Variants in JPH4 observed in about 807,000 individuals in gnomAD.
The protein encoded by JPH4 is junctophilin 4.
In JPH4, 18 loss-of-function variants were observed where a neutral mutation model predicts 57.6. The observed-to-expected ratio is 0.31, with a 90% CI of 0.22 to 0.46. The LOEUF (loss-of-function observed/expected upper bound fraction) is 0.46. Ranked by LOEUF, JPH4 falls within the 20% of genes least tolerant of loss-of-function variation. The probability of loss-of-function intolerance (pLI) is 1.00; values close to 1 mark genes in which losing one functional copy is unlikely to be tolerated. For missense variants in JPH4, 727 were observed against 911.1 expected (o/e 0.80, Z 2.60); for synonymous variants, 425 against 406.6 (o/e 1.05, Z -0.54).
chr14:23,571,281 C>CAA lies in JPH4; in HGVS notation c.1449_1450insTT (p.Gly484LeufsTer27). On this transcript the variant is annotated frameshift_variant, in exon 5 of 6. Transcript: ENST00000356300. LOFTEE classifies it high-confidence loss of function. This position sits in a 1 kb window ranked among gnomAD's most constrained non-coding sequence, Gnocchi z 4.6. ...GGGCTGGAGAAGGGACCCTGGTCCC[C>CAA]TCCAGGAGGCAGTGGGCTCCGGCAG... 1 of 1,600,832 alleles carries CAA rather than the reference C, an allele frequency of 6.2e-7. No homozygotes were observed. Among genetic ancestry groups the CAA allele is most frequent in the South Asian group, 1.1e-5 (1 of 89,822 alleles).
At chr14:23,570,172 G>C in intron 5 of JPH4, among the ~76,000 whole-genome samples, 1 of 151,292 alleles carries the variant, frequency 6.6e-6, no homozygotes, top group Non-Finnish European at 1.5e-5. Context: ...TTCTTCCCGG[G>C]AGAGGGAGGG....
Position 23,571,433 on chromosome 14 carries a change from C to A in JPH4, c.1298G>T (p.Gly433Val). Residue 433 changes from glycine (G) to valine (V), a missense_variant, in exon 5 of 6, where the codon GGT becomes GTT. Physicochemically the swap from Gly to Val is moderately radical, Grantham distance 109. This residue lies in a region of JPH4 where 293 missense variants were observed against 279.8 expected (regional missense o/e 1.05). Transcript: ENST00000356300. This position sits in a 1 kb window ranked among gnomAD's most constrained non-coding sequence, Gnocchi z 4.6. ...CTCATCCAGGGGCTCCGTGTCGGAA[C>A]CTTCTGAGTCCTGCCTGGGTCTGCG... ...PGRRPRQDSE[G>V]SDTEPLDEDS... 1 of 1,599,348 alleles carries A rather than the reference C, an allele frequency of 6.3e-7. No individual in the cohort carries two copies. Among genetic ancestry groups the A allele is most frequent in the Non-Finnish European group, 8.5e-7 (1 of 1,179,736 alleles).
rs1889248659 is a variant in JPH4 at position 23,575,521 on chromosome 14, T to C, written c.1151+164A>G. 1.2e-6 allele frequency: 1 copy of C among 820,632 alleles called. No homozygotes were observed. Among genetic ancestry groups the C allele is most frequent in the Admixed American group, 2.8e-5 (1 of 36,352 alleles). 50.8% of individuals were successfully genotyped at this position (820,632 alleles called of 1,614,324 possible). On this transcript the variant is annotated intron_variant, in intron 3 of 5. Transcript: ENST00000356300. This position sits in a 1 kb window ranked among gnomAD's most constrained non-coding sequence, Gnocchi z 6.9. ...ACCCACATCCACCTGTAGCCTCGGA[T>C]ATAAACACCAAGAATGCCCAGGGGT... is the stretch of plus-strand genomic sequence containing the variant.
In JPH4 at chr14:23,571,219, T is replaced by C. The variant is rs61739610; in HGVS notation, c.1512A>G (p.Ala504=). 24,184 of 1,613,068 alleles carry C rather than the reference T, an allele frequency of 0.015. 2,584 individuals are homozygous for C. The African/African-American group carries it at 0.26, about 17-fold the overall frequency. The change falls in exon 5 of 6, where the codon GCA becomes GCG. Residue 504 remains alanine, a synonymous_variant. Coordinates refer to ENST00000356300, the MANE Select transcript of JPH4 (RefSeq NM_001146028.2). This position sits in a 1 kb window ranked among gnomAD's most constrained non-coding sequence, Gnocchi z 4.6. The part of the protein sequence containing the change: ...AWPEEWGGAG[A]QAEELAGYEA... Reference sequence around the variant, plus strand: ...CATAGCCAGCTAGTTCCTCTGCCTGTGCGCCTGCCCCCCCCCACTCCTCAG... The same window carrying C: ...CATAGCCAGCTAGTTCCTCTGCCTGCGCGCCTGCCCCCCCCCACTCCTCAG...
intron 5 of JPH4, 64 bp downstream of exon 5, chr14:23,570,864 C>T: frequency 7.0e-7 from 1 of 1,425,544 alleles, no homozygotes; most frequent in Non-Finnish European, 9.2e-7. Flanking sequence ...TCAGACAGTT[C>T]TGGAAAGGGT....
At chr14:23,570,312 G>A (rs1171044178) in intron 5 of JPH4, among the ~76,000 whole-genome samples, 2 of 151,600 alleles carry the variant, frequency 1.3e-5, no homozygotes, top group Non-Finnish European at 2.9e-5. Flanking sequence ...GGAGAACGGG[G>A]GAAAAATGTT....
Position 23,576,507 on chromosome 14 carries a change from C to A in JPH4, c.380-51G>T. ...AAGAGTCAGGACGTGCCGCTGGGCT[C>A]CTTGCGCCCCAAGTCCCAAGCGCCC... On this transcript the variant is annotated intron_variant, in intron 2 of 5. Coordinates refer to ENST00000356300, the MANE Select transcript of JPH4 (RefSeq NM_001146028.2). This position sits in a 1 kb window ranked among gnomAD's most constrained non-coding sequence, Gnocchi z 8.0. 7.5e-7 allele frequency: 1 copy of A among 1,337,798 alleles called. No homozygotes were observed. Among genetic ancestry groups the A allele is most frequent in the Non-Finnish European group, 9.6e-7 (1 of 1,044,756 alleles). The allele number at this position is 1,337,798 out of a possible 1,614,324, so 82.9% of individuals were successfully genotyped here.
Position 23,571,262 on chromosome 14 carries a change from G to A in JPH4, c.1469C>T (p.Ser490Phe). The A allele has an allele frequency of 6.2e-7, 1 of 1,606,924 alleles. No individual in the cohort carries two copies. Among genetic ancestry groups the A allele is most frequent in the South Asian group, 1.1e-5 (1 of 90,392 alleles). Reference sequence around the variant, plus strand: ...CTCCTCAGGCCAAGCTTTGGGGCTGGAGAAGGGACCCTGGTCCCCTCCAGG... The same window carrying A: ...CTCCTCAGGCCAAGCTTTGGGGCTGAAGAAGGGACCCTGGTCCCCTCCAGG... ...LPPGGDQGPFSSPKAWPEEWG... is the reference protein window; with the variant it reads ...LPPGGDQGPFFSPKAWPEEWG... The change falls in exon 5 of 6, where the codon TCC (serine) becomes TTC (phenylalanine). Residue 490 changes from serine (S) to phenylalanine (F), a missense_variant. Coordinates refer to ENST00000356300, the MANE Select transcript of JPH4 (RefSeq NM_001146028.2). This position sits in a 1 kb window ranked among gnomAD's most constrained non-coding sequence, Gnocchi z 4.6.
At chr14:23,570,526 C>T (rs1270509294) in intron 5 of JPH4, among the ~76,000 whole-genome samples, 6 of 152,100 alleles carry the variant, frequency 3.9e-5, no homozygotes, top group Admixed American at 1.3e-4. Context: ...CGCCCGCCAC[C>T]ACGCCCGGCT....
Position 23,571,926 on chromosome 14 carries a change from G to T in JPH4, c.1152-6C>A. On this transcript the variant is annotated splice_region_variant and splice_polypyrimidine_tract_variant and intron_variant, in intron 3 of 5. Transcript: ENST00000356300. This position sits in a 1 kb window ranked among gnomAD's most constrained non-coding sequence, Gnocchi z 4.6. ...TTAGGAGGGCGTCTGCTGCCCTGTC[G>T]GGTCCAGAGACAGGGATTTAGCAGA... is the stretch of plus-strand genomic sequence containing the variant. The T allele has an allele frequency of 6.2e-7, 1 of 1,609,582 alleles. No homozygotes were observed.
Position 23,571,748 on chromosome 14 carries a change from C to T in JPH4, c.1270+54G>A. 2 of 1,500,712 alleles carry T rather than the reference C, an allele frequency of 1.3e-6. No individual in the cohort carries two copies. The highest frequency in any genetic ancestry group is 1.1e-5 in the South Asian group (1 of 88,670). 93.0% of individuals were successfully genotyped at this position (1,500,712 alleles called of 1,614,324 possible). A position where few individuals can be genotyped will look rare whatever the true frequency, so the allele number is the denominator to read the frequency against. On this transcript the variant is annotated intron_variant, in intron 4 of 5. Coordinates refer to ENST00000356300, the MANE Select transcript of JPH4 (RefSeq NM_001146028.2). The surrounding 1 kb of genome is among the most constrained non-coding windows in gnomAD (Gnocchi z 4.6). ...CTCATCTGTTTCCCCACACCTGAGC[C>T]TCTCTAGCTCCCTAGGGGCCTCACT... is the stretch of plus-strand genomic sequence containing the variant.
In JPH4 at chr14:23,575,098, C is replaced by T. The variant is rs1025247619; in HGVS notation, c.1151+587G>A. On this transcript the variant is annotated intron_variant, in intron 3 of 5. Transcript: ENST00000356300. The surrounding 1 kb of genome is among the most constrained non-coding windows in gnomAD (Gnocchi z 6.9). Reference sequence around the variant, plus strand: ...TTCATTTACAGGGAAGCCTCCTCCCCTCAAACCTCCCATCAGTTGGGTAAA... The same window carrying T: ...TTCATTTACAGGGAAGCCTCCTCCCTTCAAACCTCCCATCAGTTGGGTAAA... 1 of 153,670 alleles carries T rather than the reference C, an allele frequency of 6.5e-6. No individual in the cohort carries two copies. Among genetic ancestry groups the T allele is most frequent in the Non-Finnish European group, 1.4e-5 (1 of 69,114 alleles). 9.5% of individuals were successfully genotyped at this position (153,670 alleles called of 1,614,324 possible).
At chr14:23,574,456 G>A (rs764091627) in intron 3 of JPH4, among the ~76,000 whole-genome samples, 4 of 152,168 alleles carry the variant, frequency 2.6e-5, no homozygotes, top group Admixed American at 2.6e-4. Context: ...ACAGGCATGA[G>A]CCACCGTGCC....
Position 23,571,670 on chromosome 14 carries a change from C to T in JPH4, c.1270+132G>A. 1.9e-6 allele frequency: 2 copies of T among 1,041,950 alleles called. No individual in the cohort carries two copies. Among genetic ancestry groups the T allele is most frequent in the South Asian group, 1.4e-5 (1 of 69,478 alleles). 64.5% of individuals were successfully genotyped at this position (1,041,950 alleles called of 1,614,324 possible). The stretch of plus-strand genomic sequence containing the variant: ...CCAGGTCTGGCCCCCACCCTGTGTT[C>T]CTTGCACCCTCATTCCTTGTTTTTT... On this transcript the variant is annotated intron_variant, in intron 4 of 5. Transcript: ENST00000356300. This position sits in a 1 kb window ranked among gnomAD's most constrained non-coding sequence, Gnocchi z 4.6.
At chr14:23,573,879 C>G (rs1489466847) in intron 3 of JPH4, among the ~76,000 whole-genome samples, 2 of 152,142 alleles carry the variant, frequency 1.3e-5, no homozygotes, top group Middle Eastern at 3.4e-3. Context: ...GATGCACATT[C>G]TCTGACTCAA....
At chr14:23,573,051 A>G (rs1403523639) in intron 3 of JPH4, 5 of 669,198 alleles carry the variant, frequency 7.5e-6, no homozygotes, top group Non-Finnish European at 1.1e-5. Flanking sequence ...ACGAGCTGCC[A>G]TGGGCTTGAA....
In JPH4 at chr14:23,576,777, G is replaced by A. The variant is rs1889283853; in HGVS notation, c.379+298C>T. 6.6e-6 allele frequency among the ~76,000 whole-genome samples: 1 copy of A among 152,174 alleles called. No homozygotes were observed. The highest frequency in any genetic ancestry group is 1.5e-5 in the Non-Finnish European group (1 of 68,022). The stretch of plus-strand genomic sequence containing the variant: ...CGTTTAGATAGGCAAACAGTACTCT[G>A]AGGGGCACGCCGACCCGACGGAGAG... On this transcript the variant is annotated intron_variant, in intron 2 of 5. Coordinates refer to ENST00000356300, the MANE Select transcript of JPH4 (RefSeq NM_001146028.2). The surrounding 1 kb of genome is among the most constrained non-coding windows in gnomAD (Gnocchi z 8.0).
rs1414306449 is a variant in JPH4 at position 23,569,293 on chromosome 14, G to A, written c.*341C>T. ...AAGTTGAGGTCTAAAGAAAAGGTGGGAGGGCGTGGAGCAATGGTCTGACTT... is the reference window on the plus strand; with the variant it reads ...AAGTTGAGGTCTAAAGAAAAGGTGGAAGGGCGTGGAGCAATGGTCTGACTT... On this transcript the variant is annotated 3_prime_UTR_variant, in exon 6 of 6. Transcript: ENST00000356300. The surrounding 1 kb of genome is among the most constrained non-coding windows in gnomAD (Gnocchi z 4.8). 2 of 309,988 alleles carry A rather than the reference G, an allele frequency of 6.5e-6. No individual in the cohort carries two copies. The highest frequency in any genetic ancestry group is 2.0e-4 in the East Asian group (2 of 9,904). 19.2% of individuals were successfully genotyped at this position (309,988 alleles called of 1,614,324 possible).
In JPH4 at chr14:23,569,749, C is replaced by G; in HGVS notation, c.1804-32G>C. 2 of 1,467,804 alleles carry G rather than the reference C, an allele frequency of 1.4e-6. No homozygotes were observed. The highest frequency in any genetic ancestry group is 1.9e-6 in the Non-Finnish European group (2 of 1,076,214). The allele number at this position is 1,467,804 out of a possible 1,614,324, so 90.9% of individuals were successfully genotyped here. On this transcript the variant is annotated intron_variant, in intron 5 of 5. Transcript: ENST00000356300. The surrounding 1 kb of genome is among the most constrained non-coding windows in gnomAD (Gnocchi z 4.8). ...AGACAGAGGGGGAAGCAGACTCAGT[C>G]CCCGAGGACAGGGCCCACCTTCCTG...
Sources: allele counts gnomAD v4.1 joint callset (sites outside exome capture counted in the v4.1 genomes callset), GRCh38; gene constraint gnomAD v4.1.1; regional missense constraint gnomAD v4.1.1; non-coding constraint Gnocchi (gnomAD v3.1); transcripts MANE v1.5; gene names NCBI Gene and HGNC (gene_info 2026-07-23, HGNC 2026-07-21).